Variants in RAPH1 observed in about 807,000 individuals in gnomAD.
The protein encoded by RAPH1 is ras-associated and pleckstrin homology domains-containing protein 1.
In RAPH1, 18 loss-of-function variants were observed where a neutral mutation model predicts 88.1. The ratio of observed to expected loss-of-function variants is 0.20; its 90% confidence interval spans 0.14 to 0.30. The LOEUF (loss-of-function observed/expected upper bound fraction) is 0.30. RAPH1 is among the 10% of genes least tolerant of loss of function. RAPH1 has a pLI of 1.00. For missense variants in RAPH1, 1,448 were observed against 1,543.2 expected, an observed-to-expected ratio of 0.94 and a Z score of 1.03; for synonymous variants, 587 against 559.0, an observed-to-expected ratio of 1.05 and a Z score of -0.71.
intron 1 of RAPH1, among the ~76,000 whole-genome samples, chr2:203,501,118 G>A (rs773787491): frequency 2.6e-5 from 4 of 151,656 alleles, no homozygotes; most frequent in Non-Finnish European, 5.9e-5. Context: ...AAAAGCAAGA[G>A]GAAGGAAACG....
chr2:203,438,206 T>A lies in RAPH1; in HGVS notation c.*1231A>T, dbSNP rs1293157655. 1 of 518,306 alleles carries A rather than the reference T, an allele frequency of 1.9e-6. No homozygotes were observed. Among genetic ancestry groups the A allele is most frequent in the South Asian group, 1.4e-5 (1 of 71,262 alleles). The allele number at this position is 518,306 out of a possible 1,614,324, so 32.1% of individuals were successfully genotyped here. A position where few individuals can be genotyped will look rare whatever the true frequency, so the allele number is the denominator to read the frequency against. ...TCCTGGTAGCCCCAGTAGCTATAAA[T>A]GAAACTGTCTTCCCTCTCCATGTAG... On this transcript the variant is annotated 3_prime_UTR_variant, in exon 14 of 14. Transcript: ENST00000319170.
At position 203,438,121 on chromosome 2, in the gene RAPH1, C is replaced by T. The variant is rs764440996; in HGVS notation, c.*1316G>A. 1.1e-4 allele frequency: 55 copies of T among 518,362 alleles called. 1 individual carries two copies. Among genetic ancestry groups the T allele is most frequent in the South Asian group, 7.7e-4 (55 of 71,316 alleles). The allele number at this position is 518,362 out of a possible 1,614,324, so 32.1% of individuals were successfully genotyped here. Reference sequence around the variant, plus strand: ...GTCAGTTACTGGACTTGGACTGTCCCACTCCATCAGAACACCTAGTAACCT... The same window carrying T: ...GTCAGTTACTGGACTTGGACTGTCCTACTCCATCAGAACACCTAGTAACCT... On this transcript the variant is annotated 3_prime_UTR_variant, in exon 14 of 14. Coordinates refer to ENST00000319170, the MANE Select transcript of RAPH1 (RefSeq NM_213589.3).
chr2:203,458,956 G>A (rs975445476), intron 7 of RAPH1, among the ~76,000 whole-genome samples: 2 of 152,092 alleles, frequency 1.3e-5, no homozygotes, highest in African/African-American at 4.8e-5. Context: ...TAGAGACAGG[G>A]TTTCACCGTG....
chr2:203,439,522 A>C lies in RAPH1; in HGVS notation c.3668T>G (p.Ile1223Arg). ...QQKAGYGGSH[I>R]SGYATLRRGP... ...TCTCCGCAACGTTGCATAGCCTGAT[A>C]TATGACTGCCTCCGTAACCAGCCTT... Residue 1223 changes from isoleucine (I) to arginine (R), a missense_variant, in exon 14 of 14, where the codon ATA becomes AGA. Transcript: ENST00000319170. The C allele has an allele frequency of 6.2e-7, 1 of 1,614,128 alleles. No homozygotes were observed. The highest frequency in any genetic ancestry group is 1.3e-5 in the African/African-American group (1 of 75,050).
At chr2:203,498,320 T>C (rs1470147583) in intron 1 of RAPH1, among the ~76,000 whole-genome samples, 1 of 152,174 alleles carries the variant, frequency 6.6e-6, no homozygotes, top group Non-Finnish European at 1.5e-5. Context: ...ATAGTAAAAA[T>C]GTGGTCACAT....
At chr2:203,534,315 CACTT>C (rs991810921) in intron 1 of RAPH1, among the ~76,000 whole-genome samples, 57 of 152,274 alleles carry the variant, frequency 3.7e-4, no homozygotes, top group African/African-American at 1.3e-3. Context: ...ACACATGTAA[CACTT>C]ACACCCTCCC....
Position 203,439,349 on chromosome 2 carries a change from A to G in RAPH1, c.*88T>C. The G allele has an allele frequency of 8.2e-7, 1 of 1,226,362 alleles. No homozygotes were observed. The highest frequency in any genetic ancestry group is 1.2e-6 in the Non-Finnish European group (1 of 854,900). The allele number at this position is 1,226,362 out of a possible 1,614,324, so 76.0% of individuals were successfully genotyped here. ...ACTACCTGAATAACATCATACCAGG[A>G]GGCTCTGAACACCTGAATTCACAGA... On this transcript the variant is annotated 3_prime_UTR_variant, in exon 14 of 14. Transcript: ENST00000319170.
intron 4 of RAPH1, among the ~76,000 whole-genome samples, chr2:203,472,295 G>A (rs1460544800): frequency 6.6e-6 from 1 of 152,042 alleles, no homozygotes. Context: ...ACCACACTCG[G>A]CTAATTTTGT....
intron 2 of RAPH1, among the ~76,000 whole-genome samples, chr2:203,494,217 C>A (rs1337109753): frequency 6.6e-6 from 1 of 152,040 alleles, no homozygotes; most frequent in Admixed American, 6.6e-5. Context: ...CAATTTTACA[C>A]AAATGTTCTT....
Position 203,434,885 on chromosome 2 carries a change from G to T in RAPH1, c.*4552C>A, listed in dbSNP as rs1388881251. 1.3e-5 allele frequency: 2 copies of T among 152,626 alleles called. No individual in the cohort carries two copies. Among genetic ancestry groups the T allele is most frequent in the Non-Finnish European group, 2.9e-5 (2 of 68,044 alleles). 9.5% of individuals were successfully genotyped at this position (152,626 alleles called of 1,614,324 possible). A position where few individuals can be genotyped will look rare whatever the true frequency, so the allele number is the denominator to read the frequency against. ...AGCAGCCAGACCCCACGTGGGTAGT[G>T]ATGTCTCTTGTGAGACACTTTTCAT... On this transcript the variant is annotated 3_prime_UTR_variant, in exon 14 of 14. Coordinates refer to ENST00000319170, the MANE Select transcript of RAPH1 (RefSeq NM_213589.3).
chr2:203,457,680 A>G (rs1449574331), intron 7 of RAPH1, 85 bp from the exon 8 acceptor site: 2 of 976,650 alleles, frequency 2.0e-6, no homozygotes, highest in East Asian at 4.7e-5. Context: ...TTCCCTTGGC[A>G]CAGGTGTGTG....
chr2:203,505,246 T>C (rs1688930176), intron 1 of RAPH1, among the ~76,000 whole-genome samples: 2 of 152,290 alleles, frequency 1.3e-5, no homozygotes, highest in Non-Finnish European at 2.9e-5. Context: ...GAGGTTTAAT[T>C]GGACTCACAG....
At chr2:203,442,110 A>C (rs745539533) in intron 13 of RAPH1, 1 of 1,583,390 alleles carries the variant, frequency 6.3e-7, no homozygotes, top group Non-Finnish European at 8.6e-7. Context: ...ATGCTTTGTA[A>C]ACATTATAGC....
At chr2:203,441,763 C>T (rs1257670675) in intron 13 of RAPH1, 22 of 1,280,002 alleles carry the variant, frequency 1.7e-5, no homozygotes, top group Non-Finnish European at 2.2e-5. Context: ...ACATGGAACC[C>T]TCTGTGGCGG....
intron 1 of RAPH1, among the ~76,000 whole-genome samples, chr2:203,530,891 CAA>C (rs201025369): frequency 1.4e-4 from 16 of 114,038 alleles, no homozygotes; most frequent in East Asian, 5.1e-4. Context: ...GACTCCATCT[CAA>C]AAAAAAAAAA....
At chr2:203,456,784 T>C (rs1380856608) in intron 8 of RAPH1, among the ~76,000 whole-genome samples, 1 of 152,190 alleles carries the variant, frequency 6.6e-6, no homozygotes, top group African/African-American at 2.4e-5. Context: ...TTTAGTTCTA[T>C]AAAATCAGCC....
At position 203,461,422 on chromosome 2, in the gene RAPH1, A is replaced by C; in HGVS notation, c.811-14T>G. On this transcript the variant is annotated splice_polypyrimidine_tract_variant and intron_variant, in intron 5 of 13. Transcript: ENST00000319170. ...TCTGATCACCAGCTATAACAGGTAAAAAGAAAAGTAAATGAACACTAAAAA... is the reference window on the plus strand; with the variant it reads ...TCTGATCACCAGCTATAACAGGTAACAAGAAAAGTAAATGAACACTAAAAA... 6.3e-7 allele frequency: 1 copy of C among 1,577,656 alleles called. No individual in the cohort carries two copies. The highest frequency in any genetic ancestry group is 8.6e-7 in the Non-Finnish European group (1 of 1,162,712).
At chr2:203,459,859 A>C (rs767772364) in intron 7 of RAPH1, 48 bp downstream of exon 7, 2 of 1,580,680 alleles carry the variant, frequency 1.3e-6, no homozygotes, top group Non-Finnish European at 1.7e-6. Flanking sequence ...CGAATAAAAT[A>C]GGAGACATAT....
Position 203,438,428 on chromosome 2 carries a change from T to C in RAPH1, c.*1009A>G, listed in dbSNP as rs2153632218. The C allele has an allele frequency of 3.1e-6, 1 of 326,642 alleles. No individual in the cohort carries two copies. The highest frequency in any genetic ancestry group is 2.5e-5 in the South Asian group (1 of 39,912). The allele number at this position is 326,642 out of a possible 1,614,324, so 20.2% of individuals were successfully genotyped here. ...GGGCACAGGATGTGTATATTTCATA[T>C]ACCAATTGTCTACAGATATGTAATA... is the stretch of plus-strand genomic sequence containing the variant. On this transcript the variant is annotated 3_prime_UTR_variant, in exon 14 of 14. Transcript: ENST00000319170.
Sources: allele counts gnomAD v4.1 joint callset (sites outside exome capture counted in the v4.1 genomes callset), GRCh38; gene constraint gnomAD v4.1.1; transcripts MANE v1.5; gene names NCBI Gene and HGNC (gene_info 2026-07-23, HGNC 2026-07-21).